The following SYT2 variants were observed in gnomAD, a reference collection of about 807,000 sequenced individuals.
SYT2 encodes the protein synaptotagmin 2.
SYT2 carries 15 observed loss-of-function variants against 39.9 expected under a neutral mutation model. The ratio of observed to expected loss-of-function variants is 0.38; its 90% CI spans 0.25 to 0.58. The LOEUF is 0.58. SYT2 is among the 20% of genes least tolerant of loss of function. The pLI, the probability that SYT2 is intolerant of heterozygous loss-of-function variation, is 0.70. For missense variants in SYT2, 389 were observed against 530.3 expected, an observed-to-expected ratio of 0.73 and a Z score of 2.62; for synonymous variants, 181 against 204.5, an observed-to-expected ratio of 0.89 and a Z score of 0.98.
intron 1 of SYT2, among the ~76,000 whole-genome samples, chr1:202,609,251 C>T (rs1233256469): frequency 6.6e-6 from 1 of 151,898 alleles, no homozygotes; most frequent in African/African-American, 2.4e-5. Flanking sequence ...TGTATGTGTG[C>T]CACATTTTCT....
rs566272794 is a variant in SYT2 at position 202,595,622 on chromosome 1, G to A, written c.*1135C>T. The stretch of plus-strand genomic sequence containing the variant: ...AGAACATTTAAACTTTCCTTTTAAA[G>A]TTCTCTGGCTCTGCACAGATAACGT... On this transcript the variant is annotated 3_prime_UTR_variant, in exon 9 of 9. Transcript: ENST00000367268. 3.9e-5 allele frequency: 6 copies of A among 152,310 alleles called. No homozygotes were observed. The highest frequency in any genetic ancestry group is 1.4e-4 in the African/African-American group (6 of 41,550). 9.4% of individuals were successfully genotyped at this position (152,310 alleles called of 1,614,324 possible).
intron 1 of SYT2, among the ~76,000 whole-genome samples, chr1:202,705,275 C>T (rs942246955): frequency 2.0e-5 from 3 of 152,258 alleles, no homozygotes; most frequent in Non-Finnish European, 4.4e-5. Flanking sequence ...GTGGGGACAG[C>T]GATGGCGTAG....
At chr1:202,608,626 A>T (rs1419343182) in intron 1 of SYT2, among the ~76,000 whole-genome samples, 1 of 152,172 alleles carries the variant, frequency 6.6e-6, no homozygotes, top group African/African-American at 2.4e-5. Flanking sequence ...TATTTGGGTT[A>T]TTTCCACTTT....
chr1:202,663,782 A>C (rs1465612522), intron 1 of SYT2, among the ~76,000 whole-genome samples: 3 of 152,122 alleles, frequency 2.0e-5, no homozygotes, highest in Admixed American at 1.3e-4. Flanking sequence ...GGGCAGGAAG[A>C]CCACGGGGCA....
intron 1 of SYT2, among the ~76,000 whole-genome samples, chr1:202,607,090 A>G (rs562862060): frequency 6.6e-6 from 1 of 152,238 alleles, no homozygotes; most frequent in East Asian, 1.9e-4. Context: ...ATTTAAGGCA[A>G]TGTTCTTACG....
At chr1:202,651,554 C>T (rs1692194276) in intron 1 of SYT2, among the ~76,000 whole-genome samples, 1 of 152,182 alleles carries the variant, frequency 6.6e-6, no homozygotes, top group Non-Finnish European at 1.5e-5. Flanking sequence ...GAACCTCACA[C>T]ATGGCAGTGA....
chr1:202,665,639 C>G (rs1692467912), intron 1 of SYT2, among the ~76,000 whole-genome samples: 1 of 152,206 alleles, frequency 6.6e-6, no homozygotes, highest in African/African-American at 2.4e-5. Context: ...GGGTCTGTTT[C>G]CATACTTCCT....
chr1:202,683,473 C>G (rs1653576984), intron 1 of SYT2, among the ~76,000 whole-genome samples: 1 of 152,166 alleles, frequency 6.6e-6, no homozygotes, highest in Non-Finnish European at 1.5e-5. Context: ...TGTGGTGGCT[C>G]TCGCCTGTAA....
chr1:202,625,107 G>T (rs145042950), intron 1 of SYT2, among the ~76,000 whole-genome samples: 1 of 752 alleles, frequency 1.3e-3, no homozygotes. Flanking sequence ...TATGTGTGTG[G>T]TGTGTGTGGT....
At chr1:202,702,597 G>A (rs941160989) in intron 1 of SYT2, among the ~76,000 whole-genome samples, 2 of 152,190 alleles carry the variant, frequency 1.3e-5, no homozygotes, top group African/African-American at 4.8e-5. Context: ...CAAGACCCAA[G>A]AGCACTTAAC....
intron 1 of SYT2, among the ~76,000 whole-genome samples, chr1:202,691,730 G>GAGAGAGAGAGAGA (rs1558463413): frequency 7.2e-5 from 1 of 13,818 alleles, no homozygotes; most frequent in African/African-American, 2.0e-4. Context: ...AGGGAGAGGG[G>GAGAGAGAGAGAGA]GGGAGAGAGA....
intron 1 of SYT2, among the ~76,000 whole-genome samples, chr1:202,705,196 CAACCACACAACTTCTCTGGGGATTTTG>C (rs879378574): frequency 2.2e-4 from 34 of 152,246 alleles, no homozygotes; most frequent in African/African-American, 3.9e-4. Flanking sequence ...GGATTTTGAA[CAACCACACAACTTCTCTGGGGATTTTG>C]AACCACACAA....
At chr1:202,631,559 C>T (rs578033715) in intron 1 of SYT2, among the ~76,000 whole-genome samples, 1 of 152,246 alleles carries the variant, frequency 6.6e-6, no homozygotes, top group South Asian at 2.1e-4. Flanking sequence ...GGTGCCTCTG[C>T]CCCCACCCAA....
At chr1:202,613,367 C>T (rs1439574688) in intron 1 of SYT2, among the ~76,000 whole-genome samples, 1 of 152,162 alleles carries the variant, frequency 6.6e-6, no homozygotes, top group Admixed American at 6.5e-5. Context: ...AGGCATCAGC[C>T]ACCGCGTTCA....
intron 1 of SYT2, among the ~76,000 whole-genome samples, chr1:202,615,522 C>G (rs1691010242): frequency 6.6e-6 from 1 of 152,202 alleles, no homozygotes; most frequent in African/African-American, 2.4e-5. Context: ...CAGTAGCCTC[C>G]TATCTGGAAG....
At chr1:202,646,625 C>T (rs1380520798) in intron 1 of SYT2, among the ~76,000 whole-genome samples, 1 of 152,224 alleles carries the variant, frequency 6.6e-6, no homozygotes, top group African/African-American at 2.4e-5. Context: ...TCAACTTTCT[C>T]ACCTGCGACA....
chr1:202,685,674 G>C (rs1421894038), intron 1 of SYT2, among the ~76,000 whole-genome samples: 1 of 152,080 alleles, frequency 6.6e-6, no homozygotes, highest in East Asian at 1.9e-4. Context: ...TGAGATGCCT[G>C]CATTATTCCT....
At chr1:202,642,135 G>A (rs2149097620) in intron 1 of SYT2, among the ~76,000 whole-genome samples, 1 of 152,290 alleles carries the variant, frequency 6.6e-6, no homozygotes, top group Non-Finnish European at 1.5e-5. Flanking sequence ...TCCAGATGAA[G>A]ATACTGAGGC....
intron 1 of SYT2, among the ~76,000 whole-genome samples, chr1:202,674,868 C>T (rs1275676371): frequency 1.4e-5 from 2 of 147,642 alleles, no homozygotes; most frequent in East Asian, 2.0e-4. Flanking sequence ...TCCCCCACTG[C>T]CCAGCATGCT....
Sources: allele counts gnomAD v4.1 joint callset (sites outside exome capture counted in the v4.1 genomes callset), GRCh38; gene constraint gnomAD v4.1.1; transcripts MANE v1.5; gene names NCBI Gene and HGNC (gene_info 2026-07-23, HGNC 2026-07-21).